ASIC1: variants seen among roughly 807,000 people sequenced by gnomAD.
ASIC1 encodes acid-sensing ion channel 1.
ASIC1 carries 21 observed loss-of-function variants against 63.4 expected under a neutral mutation model. The observed-to-expected ratio is 0.33, with a 90% CI of 0.23 to 0.48. The LOEUF (loss-of-function observed/expected upper bound fraction) is 0.48. ASIC1 is among the 20% of genes least tolerant of loss of function. The pLI, the probability that ASIC1 is intolerant of heterozygous loss-of-function variation, is 0.99. For missense variants in ASIC1, 478 were observed against 695.5 expected (o/e 0.69, Z 3.52); for synonymous variants, 258 against 278.2 (o/e 0.93, Z 0.72).
At chr12:50,061,288 C>T (rs1039158529) in intron 3 of ASIC1, among the ~76,000 whole-genome samples, 13 of 152,174 alleles carry the variant, frequency 8.5e-5, no homozygotes, top group African/African-American at 3.1e-4. Context: ...TGCAAGACCT[C>T]CCAATATCCT....
intron 11 of ASIC1, 63 bp downstream of exon 11, chr12:50,081,427 T>TCCACCCCCGC (rs1555185675): frequency 3.5e-6 from 5 of 1,411,166 alleles, no homozygotes; most frequent in Admixed American, 4.2e-5. Context: ...AGGAACCCCG[T>TCCACCCCCGC]CCACCCCCGC....
intron 3 of ASIC1, among the ~76,000 whole-genome samples, chr12:50,070,323 A>T (rs993386134): frequency 6.6e-6 from 1 of 152,118 alleles, no homozygotes; most frequent in Admixed American, 6.6e-5. Flanking sequence ...GAACAAGCAT[A>T]CAGGCGATGG....
rs769309319 is a variant in ASIC1, at chr12:50,077,948, G to A, written c.710-52G>A. On this transcript the variant is annotated intron_variant, in intron 4 of 11. Coordinates refer to ENST00000447966, the MANE Select transcript of ASIC1 (RefSeq NM_001095.4). Reference sequence around the variant, plus strand: ...AGGTAGGATGCCCCCAGGTCTGAGGGGTGTTAGGGAGTCAGGAGCCCTCCC... The same window carrying A: ...AGGTAGGATGCCCCCAGGTCTGAGGAGTGTTAGGGAGTCAGGAGCCCTCCC... The A allele has an allele frequency of 1.1e-4, 175 of 1,564,158 alleles. 1 individual carries two copies. Among genetic ancestry groups the A allele is most frequent in the Non-Finnish European group, 1.4e-5 (16 of 1,155,380 alleles).
Position 50,059,119 on chromosome 12 carries a change from T to C in ASIC1, c.353T>C (p.Leu118Pro). 6.2e-7 allele frequency: 1 copy of C among 1,613,100 alleles called. No homozygotes were observed. The highest frequency in any genetic ancestry group is 8.5e-7 in the Non-Finnish European group (1 of 1,179,552). The change falls in exon 2 of 12, where the codon CTC becomes CCC. Residue 118 changes from leucine (L) to proline (P), a missense_variant. By Grantham distance (98) the Leu-to-Pro change is moderately conservative. Transcript: ENST00000447966. This position sits in a 1 kb window ranked among gnomAD's most constrained non-coding sequence, Gnocchi z 4.6. Reference sequence around the variant, plus strand: ...CATGCTGGGGAGCTGCTGGCCCTGCTCAACAACAGGTGGGTGGCTCCCACC... The same window carrying C: ...CATGCTGGGGAGCTGCTGGCCCTGCCCAACAACAGGTGGGTGGCTCCCACC... ...LYHAGELLAL[L>P]NNRYEIPDTQ...
intron 3 of ASIC1, among the ~76,000 whole-genome samples, chr12:50,063,589 A>G (rs1376528367): frequency 2.6e-5 from 4 of 152,122 alleles, no homozygotes; most frequent in Non-Finnish European, 2.9e-5. Flanking sequence ...AGTCCTTCTC[A>G]GGACCCTGGA....
chr12:50,065,972 T>G (rs943105582), intron 3 of ASIC1, among the ~76,000 whole-genome samples: 3 of 152,300 alleles, frequency 2.0e-5, no homozygotes, highest in South Asian at 2.1e-4. Context: ...CAAGCACACA[T>G]GTGCACCTCT....
Position 50,081,956 on chromosome 12 carries a change from G to T in ASIC1, c.*307G>T. The T allele has an allele frequency of 2.6e-6, 1 of 386,898 alleles. No individual in the cohort carries two copies. Among genetic ancestry groups the T allele is most frequent in the Non-Finnish European group, 4.7e-6 (1 of 211,682 alleles). 24.0% of individuals were successfully genotyped at this position (386,898 alleles called of 1,614,324 possible). The stretch of plus-strand genomic sequence containing the variant: ...TCCCAGCCTGAATTCTGTCTATCTA[G>T]CTGTCTGCCATCTGAGTGTCCATCT... On this transcript the variant is annotated 3_prime_UTR_variant, in exon 12 of 12. Transcript: ENST00000447966.
chr12:50,079,878 G>T, intron 7 of ASIC1, 24 bp from the exon 8 acceptor site: 1 of 1,583,822 alleles, frequency 6.3e-7, no homozygotes, highest in Non-Finnish European at 8.6e-7. Context: ...ACTCAACTGA[G>T]ACCTCTCACC....
intron 11 of ASIC1, 54 bp from the exon 12 acceptor site, chr12:50,081,491 T>C: frequency 1.5e-6 from 2 of 1,334,732 alleles, no homozygotes; most frequent in South Asian, 1.2e-5. Context: ...GCCCCAGCAC[T>C]ACCTGAAGCC....
intron 3 of ASIC1, among the ~76,000 whole-genome samples, chr12:50,061,565 C>T (rs1021383020): frequency 6.6e-6 from 1 of 152,144 alleles, no homozygotes; most frequent in African/African-American, 2.4e-5. Context: ...AGCCGCCTCC[C>T]TCCAACACAC....
intron 3 of ASIC1, among the ~76,000 whole-genome samples, chr12:50,065,533 C>G (rs1269476408): frequency 2.0e-5 from 3 of 152,198 alleles, no homozygotes; most frequent in African/African-American, 7.2e-5. Context: ...GCAGCGCCAA[C>G]CTACCTGGAC....
rs775073944 is a variant in ASIC1, at chr12:50,059,746, C to T, written c.363-13C>T. 4 of 1,610,162 alleles carry T rather than the reference C, an allele frequency of 2.5e-6. No individual in the cohort carries two copies. The Admixed American group carries it at 5.0e-5, about 20-fold the overall frequency. On this transcript the variant is annotated splice_polypyrimidine_tract_variant and intron_variant, in intron 2 of 11. Transcript: ENST00000447966. This position sits in a 1 kb window ranked among gnomAD's most constrained non-coding sequence, Gnocchi z 4.6. ...CTGTACTGACCCGTGTGTCACTCAC[C>T]CCCGGACCCCAGGTATGAGATACCA...
intron 3 of ASIC1, chr12:50,076,991 G>A (rs569857458): frequency 1.4e-6 from 1 of 731,726 alleles, no homozygotes. Flanking sequence ...TGGCAAAGGA[G>A]CTCAGGCGAT....
chr12:50,076,300 C>G (rs965596806), intron 3 of ASIC1, among the ~76,000 whole-genome samples: 6 of 152,142 alleles, frequency 3.9e-5, no homozygotes, highest in African/African-American at 1.4e-4. Flanking sequence ...AACCCCATCT[C>G]TACTAAAAAT....
At position 50,081,822 on chromosome 12, in the gene ASIC1, TC is replaced by T; in HGVS notation, c.*176del. ...CCATAGAGTCCTCTCTCTGCCTCTA[TC>T]CCATTCTTTTTACATTTAACAAAAC... On this transcript the variant is annotated 3_prime_UTR_variant, in exon 12 of 12. Transcript: ENST00000447966. The T allele has an allele frequency of 3.3e-6, 2 of 609,844 alleles. No individual in the cohort carries two copies. The highest frequency in any genetic ancestry group is 5.7e-6 in the Non-Finnish European group (2 of 349,118). The allele number at this position is 609,844 out of a possible 1,614,324, so 37.8% of individuals were successfully genotyped here.
Position 50,074,414 on chromosome 12 carries a change from T to C in ASIC1, c.559-2799T>C, listed in dbSNP as rs958194248. Among the ~76,000 whole-genome samples, 3 of 152,202 alleles carry C rather than the reference T, an allele frequency of 2.0e-5. No homozygotes were observed. The highest frequency in any genetic ancestry group is 2.0e-4 in the Admixed American group (3 of 15,282). On this transcript the variant is annotated intron_variant, in intron 3 of 11. Coordinates refer to ENST00000447966, the MANE Select transcript of ASIC1 (RefSeq NM_001095.4). The surrounding 1 kb of genome is among the most constrained non-coding windows in gnomAD (Gnocchi z 4.2). ...AGAGCTCACCCAGGAGTCCGGGGCC[T>C]GGAGCTGGGCTGGTATTCCCAGGTC...
chr12:50,068,613 C>G (rs1950568029), intron 3 of ASIC1, among the ~76,000 whole-genome samples: 1 of 151,942 alleles, frequency 6.6e-6, no homozygotes, highest in African/African-American at 2.4e-5. Context: ...AATTTTCCCA[C>G]TTAACGTCTC....
chr12:50,079,805 G>A (rs1247143181), intron 7 of ASIC1, 97 bp from the exon 8 acceptor site: 5 of 1,417,730 alleles, frequency 3.5e-6, no homozygotes, highest in East Asian at 4.7e-5. Context: ...AGAGAAAGGG[G>A]CCCAGAGTTT....
chr12:50,065,994 C>A (rs1007348277), intron 3 of ASIC1, among the ~76,000 whole-genome samples: 5 of 152,110 alleles, frequency 3.3e-5, no homozygotes, highest in Admixed American at 3.3e-4. Flanking sequence ...TGTGTGTCTG[C>A]AGGGGAGTGT....
Sources: gnomAD v4.1 joint callset for allele counts (sites outside exome capture counted in the v4.1 genomes callset) on GRCh38, gnomAD v4.1.1 for gene constraint, Gnocchi (gnomAD v3.1) non-coding constraint, MANE v1.5 for transcripts, NCBI Gene and HGNC (gene_info 2026-07-23, HGNC 2026-07-21) for gene names.